Variants in FGF14 observed in about 807,000 individuals in gnomAD.
FGF14 encodes the protein fibroblast growth factor homologous factor 4.
A neutral mutation model predicts 25.5 loss-of-function variants in FGF14; 5 were observed. The ratio of observed to expected loss-of-function variants is 0.20; its 90% CI spans 0.10 to 0.41. FGF14 has a LOEUF of 0.41. FGF14 is among the 10% of genes least tolerant of loss of function. The pLI, the probability that FGF14 is intolerant of heterozygous loss-of-function variation, is 1.00. For synonymous variants in FGF14, 138 were observed against 118.3 expected (o/e 1.17, Z -1.08); for missense variants, 222 against 320.1 (o/e 0.69, Z 2.34).
intron 1 of FGF14, among the ~76,000 whole-genome samples, chr13:102,369,560 G>A (rs541186903): frequency 1.3e-5 from 2 of 152,128 alleles, no homozygotes; most frequent in East Asian, 1.9e-4. Context: ...TTACAATGTC[G>A]CACTTTCTCC....
intron 1 of FGF14, among the ~76,000 whole-genome samples, chr13:102,351,150 C>T (rs2057267031): frequency 6.6e-6 from 1 of 152,132 alleles, no homozygotes. Flanking sequence ...TATTCTTCCT[C>T]CTTCTGAATC....
intron 1 of FGF14, among the ~76,000 whole-genome samples, chr13:101,925,344 G>A (rs527303375): frequency 4.7e-4 from 72 of 152,256 alleles, no homozygotes; most frequent in Non-Finnish European, 9.3e-4. Context: ...TTAATTATAT[G>A]ACCTGAAAGC....
chr13:101,821,094 G>A (rs1478811197), intron 3 of FGF14, among the ~76,000 whole-genome samples: 4 of 148,836 alleles, frequency 2.7e-5, no homozygotes, highest in Admixed American at 6.7e-5. Context: ...GAGTACAGGC[G>A]CCCGCTACCA....
intron 3 of FGF14, among the ~76,000 whole-genome samples, chr13:101,800,849 G>T (rs2040831446): frequency 6.6e-6 from 1 of 152,260 alleles, no homozygotes; most frequent in South Asian, 2.1e-4. Context: ...GTGCAGCTGT[G>T]CTCTAACAGA....
intron 1 of FGF14, among the ~76,000 whole-genome samples, chr13:102,208,313 T>G (rs1042901446): frequency 6.6e-6 from 1 of 152,236 alleles, no homozygotes; most frequent in Non-Finnish European, 1.5e-5. Flanking sequence ...AAAGGCTTGT[T>G]GTTCAGGAGC....
chr13:102,378,635 A>ATCTATC lies in FGF14; in HGVS notation c.208+22835_208+22836insGATAGA, dbSNP rs1206805030. On this transcript the variant is annotated intron_variant, in intron 1 of 4. Transcript: ENST00000376131. ...TCTATCTATCTATCTATCTATCTAT[A>ATCTATC]TATATATATATCTTCTCTTTTAATC... 7.3e-3 allele frequency among the ~76,000 whole-genome samples: 874 copies of ATCTATC among 119,548 alleles called. 5 individuals carry two copies. Among genetic ancestry groups the ATCTATC allele is most frequent in the African/African-American group, 0.02 (694 of 34,832 alleles). The allele number at this position is 119,548 out of a possible 152,430, so 78.4% of individuals were successfully genotyped here. A position where few individuals can be genotyped will look rare whatever the true frequency, so the allele number is the denominator to read the frequency against.
At chr13:102,273,318 C>T (rs987663135) in intron 1 of FGF14, among the ~76,000 whole-genome samples, 3 of 152,144 alleles carry the variant, frequency 2.0e-5, no homozygotes, top group Non-Finnish European at 4.4e-5. Flanking sequence ...AAAGAAATAG[C>T]AGCATGGGAC....
intron 1 of FGF14, among the ~76,000 whole-genome samples, chr13:101,881,184 T>A (rs1040813025): frequency 2.0e-5 from 3 of 152,156 alleles, no homozygotes; most frequent in African/African-American, 7.2e-5. Context: ...TAGCCCAGGG[T>A]TGAACTCTCA....
intron 1 of FGF14, among the ~76,000 whole-genome samples, chr13:102,230,139 C>A (rs1358256755): frequency 2.0e-5 from 3 of 152,146 alleles, no homozygotes; most frequent in Non-Finnish European, 4.4e-5. Flanking sequence ...TCCGAGGGAG[C>A]TTGTTTGTTC....
intron 1 of FGF14, among the ~76,000 whole-genome samples, chr13:101,888,765 C>G (rs1221428618): frequency 6.6e-6 from 1 of 152,178 alleles, no homozygotes; most frequent in East Asian, 1.9e-4. Context: ...AGATTACCTT[C>G]TGATATAGAG....
intron 3 of FGF14, among the ~76,000 whole-genome samples, chr13:101,782,685 C>T (rs949251141): frequency 6.6e-6 from 1 of 152,152 alleles, no homozygotes; most frequent in South Asian, 2.1e-4. Context: ...TAATGGCCTC[C>T]AGCTCCATCC....
intron 3 of FGF14, among the ~76,000 whole-genome samples, chr13:101,818,615 G>A (rs1259159447): frequency 3.9e-5 from 6 of 152,072 alleles, no homozygotes; most frequent in Admixed American, 2.0e-4. Flanking sequence ...TGGATGGTTC[G>A]GAGAACTCTA....
At chr13:102,271,830 C>T (rs1157665510) in intron 1 of FGF14, among the ~76,000 whole-genome samples, 1 of 152,116 alleles carries the variant, frequency 6.6e-6, no homozygotes, top group African/African-American at 2.4e-5. Context: ...TTCTTTCCAC[C>T]CTGGCTCCCA....
chr13:102,092,936 G>A (rs2044231169), intron 1 of FGF14, among the ~76,000 whole-genome samples: 1 of 152,134 alleles, frequency 6.6e-6, no homozygotes, highest in Non-Finnish European at 1.5e-5. Flanking sequence ...CATAAGGTTA[G>A]GATTAGAGGG....
At chr13:101,758,411 C>G (rs920470020) in intron 3 of FGF14, among the ~76,000 whole-genome samples, 1 of 152,176 alleles carries the variant, frequency 6.6e-6, no homozygotes, top group Non-Finnish European at 1.5e-5. Context: ...AGGGACCACA[C>G]TTTGTAAATC....
chr13:102,101,383 A>G (rs2044656819), intron 1 of FGF14, among the ~76,000 whole-genome samples: 2 of 152,224 alleles, frequency 1.3e-5, no homozygotes, highest in African/African-American at 4.8e-5. Flanking sequence ...AATATGATAT[A>G]GTAACCAGAG....
At chr13:102,154,329 C>T (rs9554847) in intron 1 of FGF14, among the ~76,000 whole-genome samples, 45,584 of 149,612 alleles carry the variant, frequency 0.3, 7,602 homozygotes, top group African/African-American at 0.45. Flanking sequence ...CGGCAGAAAC[C>T]CTACAAGCCA....
chr13:102,065,964 C>G (rs973348133), intron 1 of FGF14, among the ~76,000 whole-genome samples: 77 of 152,124 alleles, frequency 5.1e-4, no homozygotes, highest in African/African-American at 1.7e-3. Flanking sequence ...TTAGACAGTT[C>G]AGTTTTCAAC....
intron 1 of FGF14, among the ~76,000 whole-genome samples, chr13:102,078,157 T>C (rs956872874): frequency 1.3e-5 from 2 of 152,262 alleles, no homozygotes; most frequent in South Asian, 4.1e-4. Flanking sequence ...CAGAAGATTT[T>C]GGTCAAAGGA....
Sources: allele counts gnomAD v4.1 joint callset (sites outside exome capture counted in the v4.1 genomes callset), GRCh38; gene constraint gnomAD v4.1.1; transcripts MANE v1.5; gene names NCBI Gene and HGNC (gene_info 2026-07-23, HGNC 2026-07-21).